Variants in ERC1 observed in about 807,000 individuals in gnomAD.
The protein encoded by ERC1 is RAB6 interacting protein 2.
In ERC1, 56 loss-of-function variants were observed where a neutral mutation model predicts 132.0. That is an observed-to-expected ratio of 0.42 (90% CI 0.34 to 0.53). The LOEUF (loss-of-function observed/expected upper bound fraction) is 0.53. Ranked by LOEUF, ERC1 falls within the 20% of genes least tolerant of loss-of-function variation. The pLI is 0.03. For synonymous variants in ERC1, 478 were observed against 476.1 expected, an observed-to-expected ratio of 1.00 and a Z score of -0.05; for missense variants, 1,202 against 1,349.9, an observed-to-expected ratio of 0.89 and a Z score of 1.72.
At chr12:1,409,034 A>G (rs545157448) in intron 17 of ERC1, among the ~76,000 whole-genome samples, 2 of 152,364 alleles carry the variant, frequency 1.3e-5, no homozygotes, top group East Asian at 1.9e-4. Flanking sequence ...TAAAGCATCA[A>G]GGAAAACTTT....
chr12:1,469,547 G>T lies in ERC1; in HGVS notation c.3214-20546G>T, dbSNP rs77321508. Among the ~76,000 whole-genome samples the T allele has an allele frequency of 4.7e-3, 710 of 152,360 alleles. 1 individual carries two copies. Among genetic ancestry groups the T allele is most frequent in the Middle Eastern group, 6.8e-3 (2 of 294 alleles). On this transcript the variant is annotated intron_variant, in intron 18 of 18. Coordinates refer to ENST00000360905, the MANE Select transcript of ERC1 (RefSeq NM_178040.4). ...TGGGCTTCGCCTCCCCTCCGTGTGG[G>T]AATAAACTGTGTGAAGCCATGTGGG...
chr12:1,019,048 G>A (rs1165554058), intron 1 of ERC1, among the ~76,000 whole-genome samples: 1 of 152,146 alleles, frequency 6.6e-6, no homozygotes, highest in Non-Finnish European at 1.5e-5. Context: ...AAGGACAGTG[G>A]ATAAGTAGTA....
chr12:1,207,968 A>C (rs1357617741), intron 12 of ERC1, among the ~76,000 whole-genome samples: 1 of 152,050 alleles, frequency 6.6e-6, no homozygotes, highest in Non-Finnish European at 1.5e-5. Context: ...TTACTCTGGC[A>C]CCCACCCCCC....
intron 14 of ERC1, among the ~76,000 whole-genome samples, chr12:1,272,010 C>A (rs566059649): frequency 6.6e-6 from 1 of 152,236 alleles, no homozygotes; most frequent in South Asian, 2.1e-4. Flanking sequence ...AAAGGTCGTT[C>A]CAGAACCTTA....
chr12:1,153,571 T>G (rs913721787), intron 8 of ERC1, among the ~76,000 whole-genome samples: 2 of 152,254 alleles, frequency 1.3e-5, no homozygotes, highest in African/African-American at 4.8e-5. Context: ...TCCTGACATA[T>G]GATTGGTACT....
At chr12:1,167,548 T>A (rs1269296895) in intron 8 of ERC1, among the ~76,000 whole-genome samples, 4 of 152,202 alleles carry the variant, frequency 2.6e-5, no homozygotes. Flanking sequence ...ATCAGACATC[T>A]ATTTTGTTCT....
rs1383482028 is a variant in ERC1 at position 1,182,064 on chromosome 12, A to G, written c.2015A>G (p.Glu672Gly). 6.2e-7 allele frequency: 1 copy of G among 1,613,452 alleles called. No individual in the cohort carries two copies. The highest frequency in any genetic ancestry group is 8.5e-7 in the Non-Finnish European group (1 of 1,179,728). The change falls in exon 10 of 19, where the codon GAG becomes GGG. Residue 672 changes from glutamate (E) to glycine (G), a missense_variant and splice_region_variant. Coordinates refer to ENST00000360905, the MANE Select transcript of ERC1 (RefSeq NM_178040.4). The stretch of plus-strand genomic sequence containing the variant: ...TTGCAAGGCGACCTTTCAGAGAAAG[A>G]GGTTAAGCTCCCCAAAATGGAATTA... ...SLLQGDLSEK[E>G]ASLLDLKEHA...
intron 2 of ERC1, among the ~76,000 whole-genome samples, chr12:1,044,954 C>T (rs192105389): frequency 2.6e-5 from 4 of 152,168 alleles, no homozygotes; most frequent in Admixed American, 2.0e-4. Context: ...TGTAGTATTG[C>T]TGGAAATGAA....
At chr12:1,343,275 T>C (rs1365723557) in intron 15 of ERC1, among the ~76,000 whole-genome samples, 1 of 152,228 alleles carries the variant, frequency 6.6e-6, no homozygotes, top group Non-Finnish European at 1.5e-5. Context: ...GGAGTGCCAT[T>C]CGTCCCAACT....
intron 13 of ERC1, among the ~76,000 whole-genome samples, chr12:1,251,706 G>A (rs1277612795): frequency 6.6e-6 from 1 of 152,064 alleles, no homozygotes; most frequent in Admixed American, 6.5e-5. Flanking sequence ...TTAAAATTCT[G>A]CAGTGTTTGA....
intron 12 of ERC1, among the ~76,000 whole-genome samples, chr12:1,200,405 C>T (rs556244653): frequency 4.6e-5 from 7 of 152,084 alleles, no homozygotes; most frequent in Admixed American, 1.3e-4. Context: ...GACCTCCTTT[C>T]GCTAGTAATC....
rs554111893 is a variant in ERC1, at chr12:1,167,862, G to A, written c.1738-12678G>A. Among the ~76,000 whole-genome samples the A allele has an allele frequency of 1.3e-4, 20 of 151,816 alleles. No homozygotes were observed. The East Asian group carries it at 1.7e-3, about 13-fold the overall frequency. On this transcript the variant is annotated intron_variant, in intron 8 of 18. Transcript: ENST00000360905. Reference sequence around the variant, plus strand: ...CTCCTTAGTACTCGGGACTACAGGCGCGCGCCACCACACCCTGCTAATTTT... The same window carrying A: ...CTCCTTAGTACTCGGGACTACAGGCACGCGCCACCACACCCTGCTAATTTT...
In ERC1 at chr12:999,651, C is replaced by T. The variant is rs561065432; in HGVS notation, c.-157+8329C>T. Among the ~76,000 whole-genome samples, 24 of 118,028 alleles carry T rather than the reference C, an allele frequency of 2.0e-4. No homozygotes were observed. The East Asian group carries it at 3.6e-3, about 18-fold the overall frequency. The allele number at this position is 118,028 out of a possible 152,430, so 77.4% of individuals were successfully genotyped here. A position where few individuals can be genotyped will look rare whatever the true frequency, so the allele number is the denominator to read the frequency against. On this transcript the variant is annotated intron_variant, in intron 1 of 18. Coordinates refer to ENST00000360905, the MANE Select transcript of ERC1 (RefSeq NM_178040.4). ...TTTTTGAGATGGAGTTTCACTCTGTCGCCAGGCTGGAGTGCAATGGTGCAA... is the reference window on the plus strand; with the variant it reads ...TTTTTGAGATGGAGTTTCACTCTGTTGCCAGGCTGGAGTGCAATGGTGCAA...
intron 8 of ERC1, among the ~76,000 whole-genome samples, chr12:1,179,511 T>C (rs1311010634): frequency 1.4e-5 from 2 of 139,556 alleles, no homozygotes; most frequent in African/African-American, 2.7e-5. Context: ...TTTTTTTTTT[T>C]TTTTTTTTTT....
intron 18 of ERC1, among the ~76,000 whole-genome samples, chr12:1,458,206 G>T (rs1262273529): frequency 1.3e-5 from 2 of 152,216 alleles, no homozygotes; most frequent in Non-Finnish European, 2.9e-5. Flanking sequence ...CGAGGGCTGA[G>T]GATTCAGCTA....
intron 2 of ERC1, among the ~76,000 whole-genome samples, chr12:1,059,787 C>G (rs1488886168): frequency 6.6e-6 from 1 of 152,028 alleles, no homozygotes; most frequent in Admixed American, 6.6e-5. Context: ...GGATATTGAC[C>G]ATAGTTTTTG....
At chr12:1,368,535 G>A (rs1228216650) in intron 15 of ERC1, among the ~76,000 whole-genome samples, 2 of 152,084 alleles carry the variant, frequency 1.3e-5, no homozygotes, top group East Asian at 3.9e-4. Flanking sequence ...TCTCAAGTGT[G>A]CCATGTAAAA....
intron 17 of ERC1, among the ~76,000 whole-genome samples, chr12:1,413,942 G>A (rs1219893175): frequency 2.0e-5 from 3 of 152,160 alleles, no homozygotes; most frequent in Non-Finnish European, 4.4e-5. Flanking sequence ...CGGGGGCTTG[G>A]GGAAGATGGC....
intron 17 of ERC1, among the ~76,000 whole-genome samples, chr12:1,424,829 A>C (rs991629544): frequency 7.8e-6 from 1 of 128,354 alleles, no homozygotes; most frequent in East Asian, 2.2e-4. Flanking sequence ...ATAGATAGAT[A>C]GATAGATAGA....
Sources: allele counts gnomAD v4.1 joint callset (sites outside exome capture counted in the v4.1 genomes callset), GRCh38; gene constraint gnomAD v4.1.1; transcripts MANE v1.5; gene names NCBI Gene and HGNC (gene_info 2026-07-23, HGNC 2026-07-21).